RBBP5: variants seen among roughly 807,000 people sequenced by gnomAD.
RBBP5 encodes RB binding protein 5, histone lysine methyltransferase complex subunit, also known as retinoblastoma-binding protein 5.
Under a neutral mutation model 72.2 loss-of-function variants are expected in RBBP5, and 5 were observed. The observed-to-expected ratio is 0.07, with a 90% CI of 0.04 to 0.15. The LOEUF is 0.15. Among genes scored for constraint, RBBP5 ranks in the 10% least tolerant of loss-of-function variants. The pLI, the probability that RBBP5 is intolerant of heterozygous loss-of-function variation, is 1.00. For synonymous variants in RBBP5, 209 were observed against 237.2 expected (o/e 0.88, Z 1.09); for missense variants, 322 against 652.2 (o/e 0.49, Z 5.51).
At chr1:205,101,055 G>C (rs1224626578) in intron 6 of RBBP5, among the ~76,000 whole-genome samples, 1 of 152,220 alleles carries the variant, frequency 6.6e-6, no homozygotes, top group Admixed American at 6.5e-5. Flanking sequence ...CTGTGTGGCA[G>C]GGTTCCTAAC....
chr1:205,106,984 CTGGAAGA>C (rs1656089162), intron 3 of RBBP5, among the ~76,000 whole-genome samples: 1 of 151,572 alleles, frequency 6.6e-6, no homozygotes, highest in Non-Finnish European at 1.5e-5. Context: ...AATTAGCAAA[CTGGAAGA>C]TGGAATAAAA....
At chr1:205,096,353 T>C (rs967574091) in intron 12 of RBBP5, among the ~76,000 whole-genome samples, 1 of 152,174 alleles carries the variant, frequency 6.6e-6, no homozygotes, top group African/African-American at 2.4e-5. Flanking sequence ...GATGAAATGA[T>C]TGTCCAAGTC....
At chr1:205,095,635 G>A (rs958586315) in intron 12 of RBBP5, among the ~76,000 whole-genome samples, 1 of 152,196 alleles carries the variant, frequency 6.6e-6, no homozygotes, top group African/African-American at 2.4e-5. Flanking sequence ...AGCAGAAAGA[G>A]AATGGACTTT....
intron 12 of RBBP5, 36 bp downstream of exon 12, chr1:205,096,646 G>A (rs770915880): frequency 8.2e-6 from 13 of 1,584,518 alleles, no homozygotes; most frequent in South Asian, 1.1e-5. Flanking sequence ...AGAAAGTGGC[G>A]TCTGCCAGGC....
At chr1:205,104,103 A>G in intron 4 of RBBP5, 84 bp from the exon 5 acceptor site, 1 of 1,412,702 alleles carries the variant, frequency 7.1e-7, no homozygotes, top group Non-Finnish European at 9.7e-7. Context: ...ATCCCTGTCC[A>G]TACCCTCATC....
rs1655733990 is a variant in RBBP5, at chr1:205,099,326, A to G, written c.979-220T>C. ...AAGTTATTAACTGTAGCTCTTTTGA[A>G]TCACTGCCTTCTTTGGTCATTTTAG... is the stretch of plus-strand genomic sequence containing the variant. On this transcript the variant is annotated intron_variant, in intron 9 of 13. Coordinates refer to ENST00000264515, the MANE Select transcript of RBBP5 (RefSeq NM_005057.4). This position sits in a 1 kb window ranked among gnomAD's most constrained non-coding sequence, Gnocchi z 4.7. Among the ~76,000 whole-genome samples, 1 of 152,230 alleles carries G rather than the reference A, an allele frequency of 6.6e-6. No homozygotes were observed. Among genetic ancestry groups the G allele is most frequent in the African/African-American group, 2.4e-5 (1 of 41,458 alleles).
Position 205,099,144 on chromosome 1 carries a change from G to C in RBBP5, c.979-38C>G. Reference sequence around the variant, plus strand: ...ATATACTACTTAACCATATGTGAAAGCAATAATCTGTAATCTACACATTAA... The same window carrying C: ...ATATACTACTTAACCATATGTGAAACCAATAATCTGTAATCTACACATTAA... On this transcript the variant is annotated intron_variant, in intron 9 of 13. Transcript: ENST00000264515. This position sits in a 1 kb window ranked among gnomAD's most constrained non-coding sequence, Gnocchi z 4.7. 2.5e-6 allele frequency: 3 copies of C among 1,218,104 alleles called. No individual in the cohort carries two copies. The allele number at this position is 1,218,104 out of a possible 1,614,324, so 75.5% of individuals were successfully genotyped here.
chr1:205,101,541 G>GT, intron 6 of RBBP5, 59 bp downstream of exon 6: 1 of 1,219,442 alleles, frequency 8.2e-7, no homozygotes, highest in Non-Finnish European at 1.2e-6. Context: ...AAATCTCCAT[G>GT]TATTTTTGCA....
chr1:205,108,103 T>C (rs1458893220), intron 3 of RBBP5, among the ~76,000 whole-genome samples: 8 of 151,216 alleles, frequency 5.3e-5, no homozygotes, highest in Non-Finnish European at 1.2e-4. Flanking sequence ...ATTAGCTGGG[T>C]GTGGTAGTGC....
intron 13 of RBBP5, among the ~76,000 whole-genome samples, chr1:205,094,287 A>G (rs987624430): frequency 4.6e-5 from 7 of 152,216 alleles, no homozygotes; most frequent in Non-Finnish European, 1.5e-5. Context: ...TCAAAAACCA[A>G]AACAAACCCC....
At chr1:205,105,938 C>T (rs950388230) in intron 3 of RBBP5, among the ~76,000 whole-genome samples, 1 of 152,240 alleles carries the variant, frequency 6.6e-6, no homozygotes, top group African/African-American at 2.4e-5. Context: ...CAGGTTGAAG[C>T]AGATAGCCTA....
chr1:205,093,603 T>C (rs2102261938), intron 13 of RBBP5, among the ~76,000 whole-genome samples: 1 of 143,164 alleles, frequency 7.0e-6, no homozygotes, highest in East Asian at 2.0e-4. Flanking sequence ...AACACAGCCT[T>C]AGGTGGGTTG....
At position 205,104,414 on chromosome 1, in the gene RBBP5, T is replaced by G. The variant is rs572626117; in HGVS notation, c.360-395A>C. On this transcript the variant is annotated intron_variant, in intron 4 of 13. Transcript: ENST00000264515. ...TGCCTGCACCTGTAATCCCAGCTAC[T>G]TGGGAGGCCGAGGCAAGAGAATCGC... 7.1e-4 allele frequency among the ~76,000 whole-genome samples: 108 copies of G among 151,986 alleles called. 1 individual carries two copies. Among genetic ancestry groups the G allele is most frequent in the Admixed American group, 3.6e-3 (55 of 15,282 alleles).
At chr1:205,111,459 TCTCAAA>T (rs1169953868) in intron 3 of RBBP5, among the ~76,000 whole-genome samples, 9 of 152,180 alleles carry the variant, frequency 5.9e-5, no homozygotes, top group Admixed American at 6.5e-5. Context: ...GCAACCATAA[TCTCAAA>T]CTCACCACTT....
At chr1:205,105,268 G>T in intron 3 of RBBP5, 100 bp from the exon 4 acceptor site, 2 of 1,347,050 alleles carry the variant, frequency 1.5e-6, no homozygotes, top group South Asian at 1.4e-5. Context: ...CAACTGCACA[G>T]GTCAACAATG....
chr1:205,105,711 C>T (rs1466893295), intron 3 of RBBP5, among the ~76,000 whole-genome samples: 1 of 152,154 alleles, frequency 6.6e-6, no homozygotes, highest in African/African-American at 2.4e-5. Context: ...TTAAGGATGA[C>T]ACAGTAGTGA....
chr1:205,105,092 C>A lies in RBBP5; in HGVS notation c.295G>T (p.Asp99Tyr). 6.2e-7 allele frequency: 1 copy of A among 1,613,872 alleles called. No individual in the cohort carries two copies. Among genetic ancestry groups the A allele is most frequent in the Non-Finnish European group, 8.5e-7 (1 of 1,179,954 alleles). ...IVSQWDVLSG[D>Y]CDQRFRFPSP... The stretch of plus-strand genomic sequence containing the variant: ...GGGAATCGAAACCTCTGGTCACAGT[C>A]GCCTGAAAGAACATCCCACTGTGAC... Residue 99 changes from aspartate to tyrosine, a missense_variant, in exon 4 of 14, where the codon GAC becomes TAC. By Grantham distance (160) the Asp-to-Tyr change is radical (BLOSUM62 -3). Transcript: ENST00000264515.
chr1:205,103,223 C>CAAAAAAA (rs35295093), intron 5 of RBBP5, among the ~76,000 whole-genome samples: 2 of 91,402 alleles, frequency 2.2e-5, no homozygotes, highest in Non-Finnish European at 4.2e-5. Flanking sequence ...GACTCCATCT[C>CAAAAAAA]AAAAAAAAAA....
chr1:205,105,250 C>T, intron 3 of RBBP5, 82 bp from the exon 4 acceptor site: 1 of 1,485,058 alleles, frequency 6.7e-7, no homozygotes, highest in Non-Finnish European at 9.2e-7. Context: ...AAGTCACACA[C>T]ATTGCTGCAA....
Sources: allele counts gnomAD v4.1 joint callset (sites outside exome capture counted in the v4.1 genomes callset), GRCh38; gene constraint gnomAD v4.1.1; non-coding constraint Gnocchi (gnomAD v3.1); transcripts MANE v1.5; gene names NCBI Gene and HGNC (gene_info 2026-07-23, HGNC 2026-07-21).